The following EHBP1 variants were observed in gnomAD, a reference collection of about 807,000 sequenced individuals.
EHBP1 encodes EH domain binding protein 1.
A neutral mutation model predicts 144.0 loss-of-function variants in EHBP1; 55 were observed. The observed-to-expected ratio is 0.38, with a 90% CI of 0.31 to 0.48. The LOEUF (loss-of-function observed/expected upper bound fraction) is 0.48, where lower values mean the gene tolerates loss of function less well. EHBP1 is among the 20% of genes least tolerant of loss of function. The pLI is 0.98. For missense variants in EHBP1, 1,200 were observed against 1,364.2 expected (o/e 0.88, Z 1.90); for synonymous variants, 469 against 472.7 (o/e 0.99, Z 0.10).
intron 19 of EHBP1, among the ~76,000 whole-genome samples, chr2:63,009,696 C>T (rs1016659508): frequency 1.3e-5 from 2 of 151,394 alleles, no homozygotes; most frequent in African/African-American, 2.4e-5. Flanking sequence ...TACTGTTAGT[C>T]TTATGCAATC....
intron 13 of EHBP1, among the ~76,000 whole-genome samples, chr2:62,954,716 C>A (rs2057589572): frequency 6.6e-6 from 1 of 151,866 alleles, no homozygotes; most frequent in Non-Finnish European, 1.5e-5. Context: ...GACAGTGATA[C>A]TTATGATTGA....
intron 2 of EHBP1, among the ~76,000 whole-genome samples, chr2:62,726,135 C>T (rs912290429): frequency 1.3e-5 from 2 of 152,144 alleles, no homozygotes; most frequent in African/African-American, 4.8e-5. Flanking sequence ...GGGGGATGGG[C>T]AACCCTGGCT....
intron 1 of EHBP1, among the ~76,000 whole-genome samples, chr2:62,692,757 G>T (rs1055439957): frequency 8.0e-5 from 12 of 150,568 alleles, no homozygotes; most frequent in African/African-American, 2.9e-4. Flanking sequence ...AATTTTTGTG[G>T]GCACATAGTA....
chr2:62,797,078 T>C (rs2043590935), intron 5 of EHBP1, among the ~76,000 whole-genome samples: 1 of 152,228 alleles, frequency 6.6e-6, no homozygotes, highest in Non-Finnish European at 1.5e-5. Flanking sequence ...AAATTATTTC[T>C]TTTTTGTCCT....
At chr2:62,754,004 T>C (rs1213101481) in intron 3 of EHBP1, among the ~76,000 whole-genome samples, 2 of 152,380 alleles carry the variant, frequency 1.3e-5, no homozygotes, top group Non-Finnish European at 2.9e-5. Flanking sequence ...GTCAATGTCA[T>C]GATCCGTCCA....
At chr2:62,768,838 C>T (rs535738329) in intron 4 of EHBP1, among the ~76,000 whole-genome samples, 30 of 152,222 alleles carry the variant, frequency 2.0e-4, no homozygotes, top group South Asian at 4.2e-4. Flanking sequence ...GCTTAGTCCT[C>T]GGAATGCAAA....
intron 2 of EHBP1, among the ~76,000 whole-genome samples, chr2:62,741,691 A>G (rs1056106723): frequency 1.3e-5 from 2 of 152,156 alleles, no homozygotes; most frequent in African/African-American, 4.8e-5. Context: ...TTCCCGGTCT[A>G]GAATTCTCTT....
intron 10 of EHBP1, among the ~76,000 whole-genome samples, chr2:62,901,590 A>G (rs1346965702): frequency 6.6e-6 from 1 of 152,114 alleles, no homozygotes; most frequent in Non-Finnish European, 1.5e-5. Context: ...AAATCTAATG[A>G]TGATAACAGG....
intron 16 of EHBP1, among the ~76,000 whole-genome samples, chr2:62,991,243 TAA>T (rs548024211): frequency 2.6e-4 from 31 of 117,124 alleles, no homozygotes; most frequent in Non-Finnish European, 2.5e-4. Flanking sequence ...AGACCTTGTC[TAA>T]AAAAAAAAAA....
rs139399742 is a variant in EHBP1 at position 62,748,045 on chromosome 2, A to G, written c.162+593A>G. On this transcript the variant is annotated intron_variant, in intron 3 of 22. Coordinates refer to ENST00000431489, the MANE Select transcript of EHBP1 (RefSeq NM_001142616.3). Reference sequence around the variant, plus strand: ...TACTCAGTCTGCGGCATGTTGTTACACCAACACAAATGGACTGAGACAGTA... The same window carrying G: ...TACTCAGTCTGCGGCATGTTGTTACGCCAACACAAATGGACTGAGACAGTA... Among the ~76,000 whole-genome samples, 26 of 152,220 alleles carry G rather than the reference A, an allele frequency of 1.7e-4. No individual in the cohort carries two copies. The East Asian group carries it at 5.0e-3, about 29-fold the overall frequency.
At chr2:62,775,765 C>A (rs923761399) in intron 5 of EHBP1, among the ~76,000 whole-genome samples, 4 of 152,116 alleles carry the variant, frequency 2.6e-5, no homozygotes, top group African/African-American at 9.7e-5. Context: ...TCAGATATAA[C>A]CCTATTTTAC....
chr2:62,740,375 T>C (rs190035757), intron 2 of EHBP1, among the ~76,000 whole-genome samples: 18 of 152,306 alleles, frequency 1.2e-4, no homozygotes, highest in African/African-American at 3.1e-4. Flanking sequence ...TTACTGCAGC[T>C]TGCAAAATAA....
chr2:63,024,185 AAC>A (rs1312804786), intron 19 of EHBP1, among the ~76,000 whole-genome samples: 1 of 152,076 alleles, frequency 6.6e-6, no homozygotes, highest in Non-Finnish European at 1.5e-5. Context: ...CTCTACTAAA[AAC>A]ACAAAAATTA....
intron 3 of EHBP1, among the ~76,000 whole-genome samples, chr2:62,757,414 T>C (rs2040381312): frequency 2.0e-5 from 3 of 151,098 alleles, no homozygotes; most frequent in Admixed American, 6.6e-5. Flanking sequence ...TTTCTTTCTT[T>C]CTTTTTTTTT....
chr2:62,696,508 C>CTTTTTTTTTTTTTTTT (rs869081763), intron 1 of EHBP1, among the ~76,000 whole-genome samples: 71 of 76,774 alleles, frequency 9.2e-4, no homozygotes, highest in South Asian at 1.1e-3. Context: ...TTTTTTTCTT[C>CTTTTTTTTTTTTTTTT]TTTTTTTTTT....
At chr2:62,938,630 A>G (rs771253957) in intron 10 of EHBP1, among the ~76,000 whole-genome samples, 24 of 152,168 alleles carry the variant, frequency 1.6e-4, no homozygotes, top group Non-Finnish European at 3.2e-4. Flanking sequence ...CCTTTTATGG[A>G]CAGATTTTTG....
intron 3 of EHBP1, among the ~76,000 whole-genome samples, chr2:62,756,877 T>C (rs749725078): frequency 6.6e-6 from 1 of 151,718 alleles, no homozygotes; most frequent in Non-Finnish European, 1.5e-5. Flanking sequence ...GAAATGATTA[T>C]ATTATTATAA....
rs371242408 is a variant in EHBP1, at chr2:62,955,475, C to T, written c.2317-42C>T. 25 of 1,428,514 alleles carry T rather than the reference C, an allele frequency of 1.8e-5. No homozygotes were observed. The Middle Eastern group carries it at 5.5e-4, about 31-fold the overall frequency. The allele number at this position is 1,428,514 out of a possible 1,614,324, so 88.5% of individuals were successfully genotyped here. ...CATTAGTTTACAAATGTAGATTACC[C>T]GTTTTTTTTTTGGCTTCTAATTCTG... On this transcript the variant is annotated intron_variant, in intron 13 of 22. Transcript: ENST00000431489.
chr2:63,041,995 T>A (rs2061678559), intron 21 of EHBP1, among the ~76,000 whole-genome samples: 1 of 152,116 alleles, frequency 6.6e-6, no homozygotes, highest in East Asian at 1.9e-4. Context: ...AAAAAAGAGT[T>A]TTTTAAACTA....
Sources: gnomAD v4.1 joint callset for allele counts (sites outside exome capture counted in the v4.1 genomes callset) on GRCh38, gnomAD v4.1.1 for gene constraint, MANE v1.5 for transcripts, NCBI Gene and HGNC (gene_info 2026-07-23, HGNC 2026-07-21) for gene names.